The following TMPRSS3 variants were observed in gnomAD, a reference collection of about 807,000 sequenced individuals.
The protein encoded by TMPRSS3 is transmembrane protease serine 3.
In TMPRSS3, 55 loss-of-function variants were observed where a neutral mutation model predicts 59.6. That is an observed-to-expected ratio of 0.92 (90% confidence interval 0.74 to 1.16). TMPRSS3 has a LOEUF of 1.16. Among genes scored for constraint, TMPRSS3 ranks in the 50% most tolerant of loss-of-function variants. The pLI is 0.00. For missense variants in TMPRSS3, 596 were observed against 579.4 expected (o/e 1.03, Z -0.29); for synonymous variants, 257 against 237.7 (o/e 1.08, Z -0.75).
intron 2 of TMPRSS3, among the ~76,000 whole-genome samples, chr21:42,391,349 G>A (rs1226377314): frequency 6.6e-6 from 1 of 152,196 alleles, no homozygotes; most frequent in Admixed American, 6.5e-5. Context: ...TCCAGCCGAG[G>A]ACAGGATGTT....
Position 42,389,055 on chromosome 21 carries a change from G to A in TMPRSS3, c.206-10C>T. The A allele has an allele frequency of 1.9e-6, 3 of 1,614,026 alleles. No individual in the cohort carries two copies. The highest frequency in any genetic ancestry group is 2.5e-6 in the Non-Finnish European group (3 of 1,180,008). On this transcript the variant is annotated splice_polypyrimidine_tract_variant and intron_variant, in intron 3 of 12. Transcript: ENST00000644384. ...GAGCAGTCGAAGTGGACTGGGAAAA[G>A]GGAGGAAGGCAGGAATTAACCAACA... is the stretch of plus-strand genomic sequence containing the variant.
In TMPRSS3 at chr21:42,391,258, C is replaced by T. The variant is rs1290904999; in HGVS notation, c.95-1221G>A. 2.0e-5 allele frequency among the ~76,000 whole-genome samples: 3 copies of T among 152,180 alleles called. No homozygotes were observed. The East Asian group carries it at 5.8e-4, about 29-fold the overall frequency. On this transcript the variant is annotated intron_variant, in intron 2 of 12. Coordinates refer to ENST00000644384, the MANE Select transcript of TMPRSS3 (RefSeq NM_001256317.3). ...TGGGGATCTCACTATGTTGCTCAGG[C>T]TGATGTCAAACTCCTGGGCTCAAGT...
At position 42,374,236 on chromosome 21, in the gene TMPRSS3, T is replaced by C. The variant is rs563312050; in HGVS notation, c.1345-1457A>G. On this transcript the variant is annotated intron_variant, in intron 12 of 12. Coordinates refer to ENST00000644384, the MANE Select transcript of TMPRSS3 (RefSeq NM_001256317.3). ...CTCAGTGCCTAGTATGGGGCCAGGC[T>C]GCCTCTCCCAGCAAGGTGAGCAGGA... Among the ~76,000 whole-genome samples, 77 of 152,304 alleles carry C rather than the reference T, an allele frequency of 5.1e-4. No homozygotes were observed. In the South Asian group the frequency reaches 0.014, roughly 29 times the overall value.
intron 2 of TMPRSS3, among the ~76,000 whole-genome samples, chr21:42,391,939 A>G (rs1027344204): frequency 1.2e-4 from 19 of 152,202 alleles, no homozygotes; most frequent in Admixed American, 6.5e-4. Flanking sequence ...CAGCAGGAGA[A>G]TTCCCACTAG....
chr21:42,379,756 C>T (rs2146429759), intron 10 of TMPRSS3, among the ~76,000 whole-genome samples: 1 of 152,208 alleles, frequency 6.6e-6, no homozygotes, highest in South Asian at 2.1e-4. Context: ...AGAGTCTTCA[C>T]AAATACGAAT....
intron 2 of TMPRSS3, among the ~76,000 whole-genome samples, chr21:42,392,870 G>GT (rs1417304158): frequency 6.6e-6 from 1 of 152,252 alleles, no homozygotes; most frequent in Non-Finnish European, 1.5e-5. Context: ...GGCTGTGTCA[G>GT]TTCCCGTTTG....
intron 9 of TMPRSS3, among the ~76,000 whole-genome samples, chr21:42,381,014 T>G (rs1216749884): frequency 6.6e-6 from 1 of 152,252 alleles, no homozygotes; most frequent in Non-Finnish European, 1.5e-5. Flanking sequence ...AATATTTGTT[T>G]CTGGGCATTA....
chr21:42,376,622 G>A lies in TMPRSS3; in HGVS notation c.1110C>T (p.Asn370=). The A allele has an allele frequency of 1.2e-6, 2 of 1,614,132 alleles. No homozygotes were observed. Among genetic ancestry groups the A allele is most frequent in the Non-Finnish European group, 8.5e-7 (1 of 1,180,042 alleles). ...TGATGCCACCGTACACGTCCCTGTGGTTGCAGATCTTGTTGGAAATCAAAG... is the reference window on the plus strand; with the variant it reads ...TGATGCCACCGTACACGTCCCTGTGATTGCAGATCTTGTTGGAAATCAAAG... ...AVPLISNKIC[N]HRDVYGGIIS... is the part of the protein sequence containing the mutation. Residue 370 remains asparagine, a synonymous_variant, in exon 11 of 13, where the codon AAC becomes AAT. Coordinates refer to ENST00000644384, the MANE Select transcript of TMPRSS3 (RefSeq NM_001256317.3).
In TMPRSS3 at chr21:42,371,963, T is replaced by G. The variant is rs1354794226; in HGVS notation, c.*799A>C. The stretch of plus-strand genomic sequence containing the variant: ...AGCACCAAATGCTACAAAGAAATCA[T>G]GAAAATAGGCCTTAAACGAGTCATT... On this transcript the variant is annotated 3_prime_UTR_variant, in exon 13 of 13. Coordinates refer to ENST00000644384, the MANE Select transcript of TMPRSS3 (RefSeq NM_001256317.3). The G allele has an allele frequency of 2.2e-6, 1 of 454,500 alleles. No individual in the cohort carries two copies. Among genetic ancestry groups the G allele is most frequent in the African/African-American group, 2.0e-5 (1 of 50,008 alleles). 28.2% of individuals were successfully genotyped at this position (454,500 alleles called of 1,614,324 possible). A position where few individuals can be genotyped will look rare whatever the true frequency, so the allele number is the denominator to read the frequency against.
intron 5 of TMPRSS3, among the ~76,000 whole-genome samples, chr21:42,385,799 C>CACAGTGAGTGACCATCT (rs2040445781): frequency 6.6e-6 from 1 of 152,210 alleles, no homozygotes; most frequent in African/African-American, 2.4e-5. Context: ...GCTGCAGCCA[C>CACAGTGAGTGACCATCT]ACAGTGAGTG....
chr21:42,388,469 G>A lies in TMPRSS3; in HGVS notation c.380C>T (p.Thr127Ile), dbSNP rs1453222150. ...ACCCTTCCAGTCATCGGAGCACATGGTCTTCCACGAAGCAGCTGTGAACAC... is the reference window on the plus strand; with the variant it reads ...ACCCTTCCAGTCATCGGAGCACATGATCTTCCACGAAGCAGCTGTGAACAC... ...LQVFTAASWK[T>I]MCSDDWKGHY... is the part of the protein sequence containing the mutation. Residue 127 changes from threonine to isoleucine, a missense_variant, in exon 5 of 13, where the codon ACC (threonine) becomes ATC (isoleucine). Transcript: ENST00000644384. This position sits in a 1 kb window ranked among gnomAD's most constrained non-coding sequence, Gnocchi z 5.1. The A allele has an allele frequency of 6.2e-7, 1 of 1,614,116 alleles. No homozygotes were observed. Among genetic ancestry groups the A allele is most frequent in the East Asian group, 2.2e-5 (1 of 44,904 alleles).
chr21:42,385,548 G>A lies in TMPRSS3; in HGVS notation c.447-14C>T, dbSNP rs751489939. Reference sequence around the variant, plus strand: ...GAACTCACATAGCTGCAAGCACATTGGAAAGACAGACCCGACGTGGTAACT... The same window carrying A: ...GAACTCACATAGCTGCAAGCACATTAGAAAGACAGACCCGACGTGGTAACT... On this transcript the variant is annotated splice_polypyrimidine_tract_variant and intron_variant, in intron 5 of 12. Coordinates refer to ENST00000644384, the MANE Select transcript of TMPRSS3 (RefSeq NM_001256317.3). 1.8e-5 allele frequency: 29 copies of A among 1,613,896 alleles called. 2 individuals carry two copies. Among genetic ancestry groups the A allele is most frequent in the South Asian group, 1.5e-4 (14 of 91,066 alleles).
intron 12 of TMPRSS3, 95 bp from the exon 13 acceptor site, chr21:42,372,874 A>G: frequency 6.8e-7 from 1 of 1,460,440 alleles, no homozygotes; most frequent in East Asian, 2.3e-5. Context: ...GCCCTGTGGG[A>G]ATTGTGGGGC....
At chr21:42,385,330 T>G (rs1335381440) in intron 6 of TMPRSS3, 79 bp downstream of exon 6, 1 of 1,590,376 alleles carries the variant, frequency 6.3e-7, no homozygotes, top group Non-Finnish European at 8.6e-7. Context: ...CTTAAGTCCT[T>G]GTGGAGTTGT....
chr21:42,388,251 T>C lies in TMPRSS3; in HGVS notation c.446+152A>G, dbSNP rs969296772. ...GGCCTTGGTTTGCTTGCCTGTGAAGTGAGGATGATATCGGGCATCCTAAGG... is the reference window on the plus strand; with the variant it reads ...GGCCTTGGTTTGCTTGCCTGTGAAGCGAGGATGATATCGGGCATCCTAAGG... On this transcript the variant is annotated intron_variant, in intron 5 of 12. Coordinates refer to ENST00000644384, the MANE Select transcript of TMPRSS3 (RefSeq NM_001256317.3). The surrounding 1 kb of genome is among the most constrained non-coding windows in gnomAD (Gnocchi z 5.1). 3.7e-6 allele frequency: 4 copies of C among 1,068,176 alleles called. No individual in the cohort carries two copies. Among genetic ancestry groups the C allele is most frequent in the African/African-American group, 1.6e-5 (1 of 64,168 alleles). 66.2% of individuals were successfully genotyped at this position (1,068,176 alleles called of 1,614,324 possible). A position where few individuals can be genotyped will look rare whatever the true frequency, so the allele number is the denominator to read the frequency against.
intron 12 of TMPRSS3, among the ~76,000 whole-genome samples, chr21:42,374,966 C>T (rs1210582575): frequency 1.4e-5 from 2 of 147,540 alleles, no homozygotes; most frequent in East Asian, 1.9e-4. Flanking sequence ...TAAGTGAGGA[C>T]CTCCTGTGTT....
Position 42,388,737 on chromosome 21 carries a change from G to C in TMPRSS3, c.322+192C>G, listed in dbSNP as rs2052678999. ...TATTGCTTATGTGGTCTCCCCAAGA[G>C]AGCCAGAGCTCCATGGAAGGCCCTC... On this transcript the variant is annotated intron_variant, in intron 4 of 12. Coordinates refer to ENST00000644384, the MANE Select transcript of TMPRSS3 (RefSeq NM_001256317.3). The surrounding 1 kb of genome is among the most constrained non-coding windows in gnomAD (Gnocchi z 5.1). Among the ~76,000 whole-genome samples the C allele has an allele frequency of 6.6e-6, 1 of 152,094 alleles. No individual in the cohort carries two copies. Among genetic ancestry groups the C allele is most frequent in the Admixed American group, 6.5e-5 (1 of 15,272 alleles).
chr21:42,383,289 AC>A (rs2052568290), intron 7 of TMPRSS3, 91 bp from the exon 8 acceptor site: 2 of 1,389,176 alleles, frequency 1.4e-6, no homozygotes, highest in Admixed American at 1.8e-5. Context: ...CTCTCTCCCC[AC>A]CCTCACTGCC....
chr21:42,374,046 C>T (rs1481170287), intron 12 of TMPRSS3, among the ~76,000 whole-genome samples: 1 of 152,216 alleles, frequency 6.6e-6, no homozygotes, highest in African/African-American at 2.4e-5. Context: ...CCGGCTTCTC[C>T]TTTCCTGCCC....
Sources: gnomAD v4.1 joint callset for allele counts (sites outside exome capture counted in the v4.1 genomes callset) on GRCh38, gnomAD v4.1.1 for gene constraint, Gnocchi (gnomAD v3.1) non-coding constraint, MANE v1.5 for transcripts, NCBI Gene and HGNC (gene_info 2026-07-23, HGNC 2026-07-21) for gene names.